TJP1: variants seen among roughly 807,000 people sequenced by gnomAD.
TJP1 encodes tight junction protein 1.
In TJP1, 43 loss-of-function variants were observed where a neutral mutation model predicts 194.2. That is an observed-to-expected ratio of 0.22 (90% confidence interval 0.17 to 0.29). TJP1 has a LOEUF of 0.29. Ranked by LOEUF, TJP1 falls within the 10% of genes least tolerant of loss-of-function variation. The probability of loss-of-function intolerance (pLI) is 1.00; values close to 1 mark genes in which losing one functional copy is unlikely to be tolerated. For missense variants in TJP1, 1,971 were observed against 2,185.7 expected, an observed-to-expected ratio of 0.90 and a Z score of 1.96; for synonymous variants, 801 against 779.0, an observed-to-expected ratio of 1.03 and a Z score of -0.47.
rs376293497 is a variant in TJP1, at chr15:29,912,566, T to A, written c.306+43666A>T. Among the ~76,000 whole-genome samples the A allele has an allele frequency of 1.1e-4, 16 of 151,810 alleles. No individual in the cohort carries two copies. In the South Asian group the frequency reaches 2.9e-3, roughly 28 times the overall value. On this transcript the variant is annotated intron_variant, in intron 2 of 28. Coordinates refer to the TJP1 transcript ENST00000356107. ...CTACTAAAATACAAAAAGTAGCCGA[T>A]GTGGTAGTGCATGCCTGTAATCCTA...
chr15:29,920,850 CTG>C (rs558665289), intron 2 of TJP1, among the ~76,000 whole-genome samples: 79 of 152,306 alleles, frequency 5.2e-4, no homozygotes, highest in Admixed American at 2.4e-3. Flanking sequence ...ATTTAAAACA[CTG>C]TATTTCAATA....
At chr15:29,763,733 C>T (rs115005404) in intron 5 of TJP1, among the ~76,000 whole-genome samples, 179 of 149,002 alleles carry the variant, frequency 1.2e-3, no homozygotes, top group African/African-American at 4.3e-3. Context: ...TGCCACTGCA[C>T]TCCAAGCCTG....
intron 2 of TJP1, among the ~76,000 whole-genome samples, chr15:29,940,637 A>G (rs1018454189): frequency 6.6e-6 from 1 of 152,350 alleles, no homozygotes; most frequent in Non-Finnish European, 1.5e-5. Context: ...TTACTGTTCC[A>G]TAACAAACGT....
intron 2 of TJP1, among the ~76,000 whole-genome samples, chr15:29,830,835 A>G (rs1188780828): frequency 6.6e-6 from 1 of 152,164 alleles, no homozygotes; most frequent in Non-Finnish European, 1.5e-5. Flanking sequence ...ACAAGATAAT[A>G]TTGGGACATT....
intron 1 of TJP1, among the ~76,000 whole-genome samples, chr15:29,962,735 A>G (rs1769445585): frequency 6.6e-6 from 1 of 152,228 alleles, no homozygotes; most frequent in Admixed American, 6.5e-5. Flanking sequence ...TTTTGTTTAT[A>G]AGCATTGGAC....
rs377524188 is a variant in TJP1, at chr15:29,759,944, G to A, written c.1010+1195C>T. On this transcript the variant is annotated intron_variant, in intron 8 of 27. Coordinates refer to ENST00000614355, the MANE Select transcript of TJP1 (RefSeq NM_001330239.4). The stretch of plus-strand genomic sequence containing the variant: ...AACATGAGAGTGCAGATATCTCTTC[G>A]AGACAGTGATTTCATTTCCTTTGGA... The A allele has an allele frequency of 3.3e-5, 14 of 422,010 alleles. 1 individual carries two copies. Among genetic ancestry groups the A allele is most frequent in the African/African-American group, 1.6e-4 (8 of 48,994 alleles). 26.1% of individuals were successfully genotyped at this position (422,010 alleles called of 1,614,324 possible).
At chr15:29,705,876 T>G in intron 25 of TJP1, 131 bp from the exon 26 acceptor site, 1 of 740,560 alleles carries the variant, frequency 1.4e-6, no homozygotes, top group Admixed American at 2.8e-5. Flanking sequence ...ACAAGATAAG[T>G]TTCTGGCAAC....
chr15:29,814,985 T>G (rs1168308436), intron 1 of TJP1, among the ~76,000 whole-genome samples: 1 of 152,212 alleles, frequency 6.6e-6, no homozygotes, highest in African/African-American at 2.4e-5. Context: ...ACATTGGTGT[T>G]CTCATGATCT....
At chr15:29,907,238 T>C (rs1240434238) in intron 2 of TJP1, among the ~76,000 whole-genome samples, 1 of 151,800 alleles carries the variant, frequency 6.6e-6, no homozygotes, top group African/African-American at 2.4e-5. Flanking sequence ...TGAAACCCCA[T>C]CTCCACTAAA....
At chr15:29,960,435 C>A (rs1400057429) in intron 1 of TJP1, among the ~76,000 whole-genome samples, 1 of 151,870 alleles carries the variant, frequency 6.6e-6, no homozygotes, top group Non-Finnish European at 1.5e-5. Context: ...AAGTTTGAGA[C>A]CAGCTTGGGC....
In TJP1 at chr15:29,965,504, G is replaced by A. The variant is rs376735156; in HGVS notation, c.173+3163C>T. ...TGAGATTACAGGTATGAGCCACCAC[G>A]TCAGGCCCTCACATTTGTAAACAGG... On this transcript the variant is annotated intron_variant, in intron 1 of 28. Coordinates refer to the TJP1 transcript ENST00000356107. Among the ~76,000 whole-genome samples the A allele has an allele frequency of 1.3e-3, 200 of 152,162 alleles. 4 individuals are homozygous for A. In the South Asian group the frequency reaches 0.033, roughly 25 times the overall value.
intron 1 of TJP1, among the ~76,000 whole-genome samples, chr15:29,818,772 T>C (rs2050117796): frequency 6.7e-6 from 1 of 149,846 alleles, no homozygotes; most frequent in Non-Finnish European, 1.5e-5. Flanking sequence ...CCTCCTGGCC[T>C]CACAAAGTGC....
rs903927139 is a variant in TJP1, at chr15:29,778,142, C to G, written c.85-4785G>C. 2.0e-5 allele frequency among the ~76,000 whole-genome samples: 3 copies of G among 152,096 alleles called. No individual in the cohort carries two copies. In the South Asian group the frequency reaches 6.2e-4, roughly 32 times the overall value. On this transcript the variant is annotated intron_variant, in intron 2 of 27. Transcript: ENST00000614355. ...GAGCAAGTAAATGCAGTTCCGGCAC[C>G]TAGTAGGGCAGGTAATCCTGCTACA...
chr15:29,752,125 C>T (rs1446047302), intron 8 of TJP1, among the ~76,000 whole-genome samples: 5 of 151,012 alleles, frequency 3.3e-5, no homozygotes, highest in African/African-American at 7.3e-5. Flanking sequence ...TCCCCCCAGA[C>T]GGAGTCTCGC....
chr15:29,727,032 T>C (rs1265533943), intron 16 of TJP1, 41 bp from the exon 17 acceptor site: 1 of 1,571,028 alleles, frequency 6.4e-7, no homozygotes, highest in Non-Finnish European at 8.7e-7. Flanking sequence ...ACACAAGACA[T>C]CATTAATTAA....
intron 2 of TJP1, among the ~76,000 whole-genome samples, chr15:29,798,064 A>T (rs1266982381): frequency 6.6e-6 from 1 of 152,060 alleles, no homozygotes; most frequent in African/African-American, 2.4e-5. Context: ...ACCTCCATCT[A>T]CTGGGTTCAA....
intron 2 of TJP1, among the ~76,000 whole-genome samples, chr15:29,846,999 C>T (rs1056297534): frequency 1.3e-5 from 2 of 152,156 alleles, no homozygotes; most frequent in Non-Finnish European, 2.9e-5. Flanking sequence ...ATATCAATGC[C>T]TGATTCAAGT....
chr15:29,822,309 G>T lies in TJP1; in HGVS notation c.-281C>A, dbSNP rs1304050666. ...GGCCTCCCGCAGCTTTCGCAGCCCG[G>T]CCACGTCGGCCTCGCCCGGTCGCCC... is the stretch of plus-strand genomic sequence containing the variant. On this transcript the variant is annotated 5_prime_UTR_variant, in exon 1 of 28. Coordinates refer to ENST00000614355, the MANE Select transcript of TJP1 (RefSeq NM_001330239.4). The T allele has an allele frequency of 9.9e-6, 11 of 1,111,710 alleles. No homozygotes were observed. The East Asian group carries it at 4.7e-4, about 47-fold the overall frequency. 68.9% of individuals were successfully genotyped at this position (1,111,710 alleles called of 1,614,324 possible). A position where few individuals can be genotyped will look rare whatever the true frequency, so the allele number is the denominator to read the frequency against.
chr15:29,813,510 A>G (rs2049680353), intron 1 of TJP1, among the ~76,000 whole-genome samples: 1 of 152,204 alleles, frequency 6.6e-6, no homozygotes, highest in African/African-American at 2.4e-5. Flanking sequence ...AGTTCTCCAC[A>G]ACATAATCTT....
Sources: allele counts gnomAD v4.1 joint callset (sites outside exome capture counted in the v4.1 genomes callset), GRCh38; gene constraint gnomAD v4.1.1; transcripts MANE v1.5; gene names NCBI Gene and HGNC (gene_info 2026-07-23, HGNC 2026-07-21).